SEC62: variants seen among roughly 807,000 people sequenced by gnomAD.
SEC62 encodes translocation protein SEC62.
A neutral mutation model predicts 47.5 loss-of-function variants in SEC62; 10 were observed. The ratio of observed to expected loss-of-function variants is 0.21; its 90% CI spans 0.13 to 0.36. The LOEUF is 0.36. Among genes scored for constraint, SEC62 ranks in the 10% least tolerant of loss-of-function variants. The pLI is 1.00. For synonymous variants in SEC62, 136 were observed against 150.5 expected (o/e 0.90, Z 0.71); for missense variants, 327 against 464.1 (o/e 0.70, Z 2.71).
chr3:169,997,379 A>G lies in SEC62; in HGVS notation c.*4316A>G, dbSNP rs1438215199. On this transcript the variant is annotated 3_prime_UTR_variant, in exon 8 of 8. Transcript: ENST00000337002. The stretch of plus-strand genomic sequence containing the variant: ...TAAATTTCAAGGGGGTCATATCATC[A>G]CACTTTGGTCTTATTTCATTTTCAA... 6.6e-6 allele frequency: 1 copy of G among 152,212 alleles called. No individual in the cohort carries two copies. The allele number at this position is 152,212 out of a possible 1,614,324, so 9.4% of individuals were successfully genotyped here.
chr3:169,969,245 T>A, intron 1 of SEC62: 1 of 398,198 alleles, frequency 2.5e-6, no homozygotes, highest in Non-Finnish European at 5.1e-6. Flanking sequence ...AGTTCAGGGT[T>A]AAAAAAAAAA....
intron 3 of SEC62, among the ~76,000 whole-genome samples, chr3:169,977,685 G>GC (rs1714870355): frequency 6.6e-6 from 1 of 151,828 alleles, no homozygotes; most frequent in Non-Finnish European, 1.5e-5. Context: ...GAAGTATGCT[G>GC]GTTTTTCTTT....
At chr3:169,985,029 A>G (rs1180385096) in intron 5 of SEC62, 2 of 152,104 alleles carry the variant, frequency 1.3e-5, no homozygotes, top group African/African-American at 4.8e-5. Flanking sequence ...CATAGAGACT[A>G]TGTTCACCAA....
chr3:169,973,577 C>A (rs560648343), intron 1 of SEC62, among the ~76,000 whole-genome samples: 5 of 151,244 alleles, frequency 3.3e-5, no homozygotes, highest in African/African-American at 1.2e-4. Flanking sequence ...GCATGAGAAT[C>A]GCTGGAACTC....
chr3:169,997,074 GATAACT>G lies in SEC62; in HGVS notation c.*4013_*4018del, dbSNP rs1715394851. ...ATCCTGTTCTAGTGAATGTCATGCA[GATAACT>G]ACACAAGGAGATTAATTTAAATTTG... On this transcript the variant is annotated 3_prime_UTR_variant, in exon 8 of 8. Coordinates refer to ENST00000337002, the MANE Select transcript of SEC62 (RefSeq NM_003262.4). The G allele has an allele frequency of 6.6e-6, 1 of 152,208 alleles. No individual in the cohort carries two copies. The highest frequency in any genetic ancestry group is 1.5e-5 in the Non-Finnish European group (1 of 68,042). The allele number at this position is 152,208 out of a possible 1,614,324, so 9.4% of individuals were successfully genotyped here. A position where few individuals can be genotyped will look rare whatever the true frequency, so the allele number is the denominator to read the frequency against.
At chr3:169,988,920 CTA>C (rs1182779721) in intron 7 of SEC62, among the ~76,000 whole-genome samples, 1 of 151,688 alleles carries the variant, frequency 6.6e-6, no homozygotes, top group Admixed American at 6.6e-5. Flanking sequence ...TCTAAATAAT[CTA>C]TGCATATATT....
intron 6 of SEC62, among the ~76,000 whole-genome samples, chr3:169,986,933 C>T (rs1234229709): frequency 1.3e-5 from 2 of 151,586 alleles, no homozygotes; most frequent in Admixed American, 1.3e-4. Flanking sequence ...CGCCATGTTG[C>T]CCAGGCTGGT....
chr3:169,983,997 G>A (rs911147072), intron 5 of SEC62: 3 of 152,164 alleles, frequency 2.0e-5, no homozygotes. Flanking sequence ...GATTTGTATG[G>A]TGGTAGCCTT....
intron 7 of SEC62, among the ~76,000 whole-genome samples, chr3:169,990,051 A>C (rs183423560): frequency 1.4e-3 from 204 of 148,040 alleles, no homozygotes; most frequent in African/African-American, 4.9e-3. Flanking sequence ...ATATCATATG[A>C]TATGTCATAT....
intron 3 of SEC62, 52 bp downstream of exon 3, chr3:169,977,103 A>G: frequency 7.7e-7 from 1 of 1,298,862 alleles, no homozygotes; most frequent in Non-Finnish European, 1.1e-6. Context: ...AATTTTCTTC[A>G]TAGTCCTGAA....
At position 169,992,823 on chromosome 3, in the gene SEC62, TGAG is replaced by T. The variant is rs749079693; in HGVS notation, c.965_967del (p.Glu322del). On this transcript the variant is annotated inframe_deletion, in exon 8 of 8. Transcript: ENST00000337002. This position sits in a 1 kb window ranked among gnomAD's most constrained non-coding sequence, Gnocchi z 4.0. ...AGTCAGACAGTGAGAAAAAGGAAGA[TGAG>T]GAGGGGAAAGTAGGACCAGGAAATC... 6.2e-7 allele frequency: 1 copy of T among 1,612,688 alleles called. No homozygotes were observed. Among genetic ancestry groups the T allele is most frequent in the African/African-American group, 1.3e-5 (1 of 74,464 alleles).
chr3:169,988,218 C>T (rs1455890184), intron 6 of SEC62, 22 bp from the exon 7 acceptor site: 1 of 1,612,046 alleles, frequency 6.2e-7, no homozygotes, highest in Non-Finnish European at 8.5e-7. Context: ...TAAAATTTAA[C>T]TTTTGTCATT....
intron 2 of SEC62, among the ~76,000 whole-genome samples, 178 bp downstream of exon 2, chr3:169,975,894 T>C (rs936257148): frequency 6.6e-6 from 1 of 152,256 alleles, no homozygotes; most frequent in African/African-American, 2.4e-5. Flanking sequence ...AATAAAAAGA[T>C]AACATGTTTT....
chr3:169,989,586 T>G (rs1715192016), intron 7 of SEC62, among the ~76,000 whole-genome samples: 1 of 152,086 alleles, frequency 6.6e-6, no homozygotes, highest in Admixed American at 6.5e-5. Flanking sequence ...CCTTTCAAAT[T>G]CCTGAAATTT....
chr3:169,990,000 GAT>G (rs778022307), intron 7 of SEC62, among the ~76,000 whole-genome samples: 138 of 145,564 alleles, frequency 9.5e-4, no homozygotes, highest in South Asian at 8.5e-4. Flanking sequence ...ATAGATATAT[GAT>G]ATATCATAAT....
In SEC62 at chr3:169,969,245, T is replaced by TA. The variant is rs34592375; in HGVS notation, c.36+2397dup. 1,017 of 391,378 alleles carry TA rather than the reference T, an allele frequency of 2.6e-3. 2 individuals carry two copies. Among genetic ancestry groups the TA allele is most frequent in the East Asian group, 6.9e-3 (86 of 12,416 alleles). 24.2% of individuals were successfully genotyped at this position (391,378 alleles called of 1,614,324 possible). ...TGATACAAACAAATAAGTTCAGGGT[T>TA]AAAAAAAAAAGTAGCTAATTTGCTT... On this transcript the variant is annotated intron_variant, in intron 1 of 7. Transcript: ENST00000337002.
chr3:169,983,382 T>G (rs1246446088), intron 5 of SEC62, 129 bp downstream of exon 5: 2 of 460,910 alleles, frequency 4.3e-6, no homozygotes, highest in African/African-American at 4.1e-5. Context: ...TAAAAGCTAC[T>G]CCATTTTTAA....
intron 1 of SEC62, among the ~76,000 whole-genome samples, chr3:169,971,142 C>G (rs926603621): frequency 3.3e-5 from 5 of 151,568 alleles, no homozygotes; most frequent in Non-Finnish European, 7.4e-5. Context: ...GGCATCATAG[C>G]TCACTAGAGA....
intron 3 of SEC62, among the ~76,000 whole-genome samples, chr3:169,980,393 G>A (rs1426458284): frequency 1.3e-5 from 2 of 151,848 alleles, no homozygotes; most frequent in Non-Finnish European, 2.9e-5. Context: ...TATGTCATGG[G>A]TTTAAAGCCA....
Sources: gnomAD v4.1 joint callset for allele counts (sites outside exome capture counted in the v4.1 genomes callset) on GRCh38, gnomAD v4.1.1 for gene constraint, Gnocchi (gnomAD v3.1) non-coding constraint, MANE v1.5 for transcripts, NCBI Gene and HGNC (gene_info 2026-07-23, HGNC 2026-07-21) for gene names.